The following GPX6 variants were observed in gnomAD, a reference collection of about 807,000 sequenced individuals.
GPX6 encodes the protein glutathione peroxidase 6 (olfactory).
A neutral mutation model predicts 20.0 loss-of-function variants in GPX6; 21 were observed. The observed-to-expected ratio is 1.05, with a 90% CI of 0.74 to 1.51. The LOEUF (loss-of-function observed/expected upper bound fraction) is 1.51, where lower values mean the gene tolerates loss of function less well. GPX6 is among the 40% of genes most tolerant of loss of function. The pLI, the probability that GPX6 is intolerant of heterozygous loss-of-function variation, is 0.00. For synonymous variants in GPX6, 75 were observed against 98.0 expected (o/e 0.77, Z 1.38); for missense variants, 233 against 254.7 (o/e 0.91, Z 0.58).
At chr6:28,515,515 G>C (rs34273434) in intron 1 of GPX6, 142 bp downstream of exon 1, 11,601 of 660,984 alleles carry the variant, frequency 0.018, 148 homozygotes, top group Non-Finnish European at 0.025. Flanking sequence ...GCTAAGGATA[G>C]CAATGTCAGG....
Position 28,505,691 on chromosome 6 carries a change from A to G in GPX6, c.459+12T>C. On this transcript the variant is annotated intron_variant, in intron 4 of 4. Coordinates refer to ENST00000361902, the MANE Select transcript of GPX6 (RefSeq NM_182701.1). Reference sequence around the variant, plus strand: ...TAGCTAACCCATCCATGCCAGGTTTATACTCATGCACCTTCAGGAAAGTAA... The same window carrying G: ...TAGCTAACCCATCCATGCCAGGTTTGTACTCATGCACCTTCAGGAAAGTAA... 1 of 1,604,410 alleles carries G rather than the reference A, an allele frequency of 6.2e-7. No homozygotes were observed. The highest frequency in any genetic ancestry group is 8.5e-7 in the Non-Finnish European group (1 of 1,171,222).
intron 1 of GPX6, among the ~76,000 whole-genome samples, chr6:28,514,134 A>G (rs1283854690): frequency 6.6e-6 from 1 of 152,206 alleles, no homozygotes; most frequent in East Asian, 1.9e-4. Context: ...TACTATAATA[A>G]AAAGTCACAC....
Position 28,504,394 on chromosome 6 carries a change from C to T in GPX6, c.564G>A (p.Val188=). The change falls in exon 5 of 5, where the codon GTG becomes GTA. Residue 188 remains valine (V), a synonymous_variant. Coordinates refer to ENST00000361902, the MANE Select transcript of GPX6 (RefSeq NM_182701.1). ...DIRWNFEKFL[V]GPDGVPVMHW... ...GCATGACAGGGACTCCATCGGGCCCCACCAGAAATTTCTCAAAGTTCCAGC... is the reference window on the plus strand; with the variant it reads ...GCATGACAGGGACTCCATCGGGCCCTACCAGAAATTTCTCAAAGTTCCAGC... 1 of 1,614,172 alleles carries T rather than the reference C, an allele frequency of 6.2e-7. No individual in the cohort carries two copies. Among genetic ancestry groups the T allele is most frequent in the Non-Finnish European group, 8.5e-7 (1 of 1,180,038 alleles).
intron 3 of GPX6, 27 bp downstream of exon 3, chr6:28,506,285 T>A: frequency 7.5e-7 from 1 of 1,340,002 alleles, no homozygotes; most frequent in Non-Finnish European, 1.1e-6. Flanking sequence ...CGACAGGGCA[T>A]CTGCAGGGTC....
At chr6:28,512,391 A>C (rs1323251927) in intron 1 of GPX6, among the ~76,000 whole-genome samples, 2 of 152,226 alleles carry the variant, frequency 1.3e-5, no homozygotes, top group African/African-American at 2.4e-5. Flanking sequence ...TGAATGCACC[A>C]GTTGACACTC....
rs1245233284 is a variant in GPX6 at position 28,504,267 on chromosome 6, T to C, written c.*25A>G. The C allele has an allele frequency of 1.2e-6, 2 of 1,600,164 alleles. No homozygotes were observed. Among genetic ancestry groups the C allele is most frequent in the Non-Finnish European group, 1.7e-6 (2 of 1,167,752 alleles). On this transcript the variant is annotated 3_prime_UTR_variant, in exon 5 of 5. Coordinates refer to ENST00000361902, the MANE Select transcript of GPX6 (RefSeq NM_182701.1). Reference sequence around the variant, plus strand: ...TCCTGCAGGTGGGAGACAGGGTAGTTATTTCTGTCAGTCGCTAGCCCTTCC... The same window carrying C: ...TCCTGCAGGTGGGAGACAGGGTAGTCATTTCTGTCAGTCGCTAGCCCTTCC...
At chr6:28,508,549 T>G (rs1269417053) in intron 2 of GPX6, among the ~76,000 whole-genome samples, 1 of 152,088 alleles carries the variant, frequency 6.6e-6, no homozygotes, top group African/African-American at 2.4e-5. Context: ...CTCATGCCTA[T>G]AATCCCAGCA....
intron 1 of GPX6, among the ~76,000 whole-genome samples, chr6:28,511,999 C>T (rs1273842987): frequency 6.6e-6 from 1 of 152,266 alleles, no homozygotes; most frequent in Non-Finnish European, 1.5e-5. Context: ...TGCTCGACTT[C>T]TCGCTGGGCC....
chr6:28,510,217 C>A (rs1440944583), intron 2 of GPX6, among the ~76,000 whole-genome samples: 1 of 152,182 alleles, frequency 6.6e-6, no homozygotes, highest in African/African-American at 2.4e-5. Context: ...CCAGGTACCA[C>A]CCTATTCTTG....
At position 28,504,074 on chromosome 6, in the gene GPX6, C is replaced by G. The variant is rs533402251; in HGVS notation, c.*218G>C. ...ACCATACATACACCTATGCATATAC[C>G]AACAAATACAATTCTACATATCCAT... On this transcript the variant is annotated 3_prime_UTR_variant, in exon 5 of 5. Transcript: ENST00000361902. 1.0e-4 allele frequency: 58 copies of G among 565,346 alleles called. No homozygotes were observed. In the South Asian group the frequency reaches 1.2e-3, roughly 12 times the overall value. 35.0% of individuals were successfully genotyped at this position (565,346 alleles called of 1,614,324 possible). A position where few individuals can be genotyped will look rare whatever the true frequency, so the allele number is the denominator to read the frequency against.
Position 28,514,372 on chromosome 6 carries a change from C to T in GPX6, c.87+1285G>A, listed in dbSNP as rs116641127. Among the ~76,000 whole-genome samples the T allele has an allele frequency of 4.7e-3, 722 of 152,260 alleles. 3 individuals carry two copies. The highest frequency in any genetic ancestry group is 8.4e-3 in the Non-Finnish European group (572 of 68,032). On this transcript the variant is annotated intron_variant, in intron 1 of 4. Coordinates refer to ENST00000361902, the MANE Select transcript of GPX6 (RefSeq NM_182701.1). ...ACATCTGTTTGAAGAAGACAGAATA[C>T]CCTAGAACACAGCTTTTAATTCACA...
Position 28,504,482 on chromosome 6 carries a change from G to T in GPX6, c.476C>A (p.Thr159Asn). Residue 159 changes from threonine to asparagine, a missense_variant, in exon 5 of 5, where the codon ACC (threonine) becomes AAC (asparagine). By Grantham distance (65) the Thr-to-Asn change is moderately conservative. Coordinates refer to ENST00000361902, the MANE Select transcript of GPX6 (RefSeq NM_182701.1). ...FTFLKNSCPPTSDLLGSSSQL... is the reference protein window; with the variant it reads ...FTFLKNSCPPNSDLLGSSSQL... ...GCTTGATGAGCCCAAAAGATCAGAG[G>T]TCGGAGGGCAGGAGTTCTGGAGCAG... The T allele has an allele frequency of 6.2e-7, 1 of 1,613,982 alleles. No individual in the cohort carries two copies. The highest frequency in any genetic ancestry group is 8.5e-7 in the Non-Finnish European group (1 of 1,179,986).
intron 1 of GPX6, among the ~76,000 whole-genome samples, chr6:28,511,581 G>A (rs1762874457): frequency 6.6e-6 from 1 of 152,244 alleles, no homozygotes; most frequent in South Asian, 2.1e-4. Flanking sequence ...AGGCACTGGC[G>A]CTGGATGTGG....
chr6:28,513,477 G>T (rs987623661), intron 1 of GPX6, among the ~76,000 whole-genome samples: 7 of 152,122 alleles, frequency 4.6e-5, no homozygotes, highest in African/African-American at 1.7e-4. Context: ...ACGCCCCGTC[G>T]CATGCCTTGT....
At chr6:28,512,856 C>T (rs1728626563) in intron 1 of GPX6, among the ~76,000 whole-genome samples, 1 of 151,974 alleles carries the variant, frequency 6.6e-6, no homozygotes, top group African/African-American at 2.4e-5. Flanking sequence ...GACCGCGAGG[C>T]TTTGCAGCTT....
Position 28,504,434 on chromosome 6 carries a change from T to C in GPX6, c.524A>G (p.Lys175Arg). The change falls in exon 5 of 5, where the codon AAG (lysine) becomes AGG (arginine). Residue 175 changes from lysine (K) to arginine (R), a missense_variant. Physicochemically the swap from Lys to Arg is conservative, Grantham distance 26 (BLOSUM62 2). Coordinates refer to ENST00000361902, the MANE Select transcript of GPX6 (RefSeq NM_182701.1). ...AAAGTTCCAGCGGATATCATGGACC[T>C]TCATGGGCTCCCAGAAGAGTTGGCT... ...SSSQLFWEPM[K>R]VHDIRWNFEK... is the part of the protein sequence containing the mutation. 1.2e-6 allele frequency: 2 copies of C among 1,614,182 alleles called. No individual in the cohort carries two copies. Among genetic ancestry groups the C allele is most frequent in the Non-Finnish European group, 8.5e-7 (1 of 1,180,040 alleles).
At position 28,510,887 on chromosome 6, in the gene GPX6, C is replaced by T; in HGVS notation, c.105G>A (p.Gly35=). The part of the protein sequence containing the change: ...PQNRKVDCNK[G]VTGTIYEYGA... ...CATACTCATAGATGGTGCCTGTTACCCCTTTGTTGCAATCCACCTGGAATT... is the reference window on the plus strand; with the variant it reads ...CATACTCATAGATGGTGCCTGTTACTCCTTTGTTGCAATCCACCTGGAATT... Residue 35 remains glycine, a synonymous_variant, in exon 2 of 5, where the codon GGG becomes GGA. Transcript: ENST00000361902. The T allele has an allele frequency of 6.2e-7, 1 of 1,606,040 alleles. No individual in the cohort carries two copies. Among genetic ancestry groups the T allele is most frequent in the Non-Finnish European group, 8.5e-7 (1 of 1,175,718 alleles).
chr6:28,505,701 A>T lies in GPX6; in HGVS notation c.459+2T>A, dbSNP rs775848625. 2 of 1,611,306 alleles carry T rather than the reference A, an allele frequency of 1.2e-6. No individual in the cohort carries two copies. Among genetic ancestry groups the T allele is most frequent in the Non-Finnish European group, 1.7e-6 (2 of 1,177,490 alleles). ...ATCCATGCCAGGTTTATACTCATGC[A>T]CCTTCAGGAAAGTAAAGACCTTCTG... On this transcript the variant is annotated splice_donor_variant, in intron 4 of 4. Coordinates refer to ENST00000361902, the MANE Select transcript of GPX6 (RefSeq NM_182701.1). LOFTEE classifies it high-confidence loss of function.
chr6:28,512,799 G>A (rs997183137), intron 1 of GPX6, among the ~76,000 whole-genome samples: 1 of 152,086 alleles, frequency 6.6e-6, no homozygotes. Flanking sequence ...GAACCCACCG[G>A]GAGGAATGAA....
Sources: allele counts gnomAD v4.1 joint callset (sites outside exome capture counted in the v4.1 genomes callset), GRCh38; gene constraint gnomAD v4.1.1; transcripts MANE v1.5; gene names NCBI Gene and HGNC (gene_info 2026-07-23, HGNC 2026-07-21).